Variants in DENND1B observed in about 807,000 individuals in gnomAD.
The protein encoded by DENND1B is DENN domain-containing protein 1B.
DENND1B carries 59 observed loss-of-function variants against 90.1 expected under a neutral mutation model. The ratio of observed to expected loss-of-function variants is 0.65; its 90% CI spans 0.53 to 0.81. The LOEUF is 0.81. Ranked by LOEUF, DENND1B falls within the 40% of genes least tolerant of loss-of-function variation. The pLI is 0.00. For missense variants in DENND1B, 862 were observed against 912.6 expected (o/e 0.94, Z 0.71); for synonymous variants, 337 against 324.6 (o/e 1.04, Z -0.41).
intron 2 of DENND1B, among the ~76,000 whole-genome samples, chr1:197,732,159 T>C (rs1259863970): frequency 6.6e-6 from 1 of 152,198 alleles, no homozygotes; most frequent in Non-Finnish European, 1.5e-5. Flanking sequence ...GTCTGGTCAC[T>C]TGTTTTGTAA....
intron 20 of DENND1B, among the ~76,000 whole-genome samples, chr1:197,537,538 C>T (rs899538593): frequency 6.6e-6 from 1 of 151,808 alleles, no homozygotes; most frequent in East Asian, 1.9e-4. Flanking sequence ...TAGAAAATTA[C>T]TAAGAGAATA....
At chr1:197,590,705 G>A (rs10922262) in intron 14 of DENND1B, among the ~76,000 whole-genome samples, 23,874 of 152,022 alleles carry the variant, frequency 0.16, 2,158 homozygotes, top group Non-Finnish European at 0.2. Context: ...TCTGTATAGG[G>A]ATATGCAAAT....
intron 2 of DENND1B, among the ~76,000 whole-genome samples, chr1:197,751,884 G>T (rs1653579392): frequency 6.8e-6 from 1 of 147,924 alleles, no homozygotes; most frequent in South Asian, 2.2e-4. Context: ...AGGAGGAGGA[G>T]GAGGGAGGAG....
chr1:197,698,143 T>C (rs1437478873), intron 3 of DENND1B, among the ~76,000 whole-genome samples: 1 of 152,126 alleles, frequency 6.6e-6, no homozygotes, highest in Non-Finnish European at 1.5e-5. Context: ...ATCACACTTA[T>C]TCTAAAATTG....
At chr1:197,760,318 G>A (rs1043094384) in intron 2 of DENND1B, among the ~76,000 whole-genome samples, 62 of 152,094 alleles carry the variant, frequency 4.1e-4, no homozygotes, top group African/African-American at 1.5e-3. Flanking sequence ...AAACAAAATG[G>A]TCATTGTTAA....
chr1:197,757,118 T>C (rs1190427711), intron 2 of DENND1B, among the ~76,000 whole-genome samples: 1 of 152,042 alleles, frequency 6.6e-6, no homozygotes, highest in East Asian at 1.9e-4. Context: ...AAAAATAACC[T>C]TCTATTTAAA....
chr1:197,626,887 A>C (rs1233432395), intron 10 of DENND1B, among the ~76,000 whole-genome samples: 1 of 152,186 alleles, frequency 6.6e-6, no homozygotes, highest in Non-Finnish European at 1.5e-5. Flanking sequence ...CCATCAAAGA[A>C]TACTACAAAC....
chr1:197,539,245 C>T (rs1381042699), intron 20 of DENND1B, among the ~76,000 whole-genome samples: 1 of 152,228 alleles, frequency 6.6e-6, no homozygotes, highest in Non-Finnish European at 1.5e-5. Flanking sequence ...ACTTTCTCAT[C>T]TGCAAACCTT....
intron 14 of DENND1B, among the ~76,000 whole-genome samples, chr1:197,590,451 C>CAA (rs111356782): frequency 1.3e-5 from 2 of 150,888 alleles, no homozygotes; most frequent in African/African-American, 4.9e-5. Flanking sequence ...GGCTAAAATC[C>CAA]AAAAAAAAGA....
At chr1:197,539,868 A>T (rs1439428806) in intron 20 of DENND1B, 96 bp downstream of exon 20, 1 of 1,033,192 alleles carries the variant, frequency 9.7e-7, no homozygotes, top group African/African-American at 1.6e-5. Context: ...TTCATATAAG[A>T]TAAAAAATTA....
At chr1:197,714,963 A>G (rs1002777360) in intron 3 of DENND1B, 68 bp downstream of exon 3, 1 of 1,136,882 alleles carries the variant, frequency 8.8e-7, no homozygotes, top group Admixed American at 1.8e-5. Flanking sequence ...TAGCAACAGC[A>G]GCAGTAATAG....
At position 197,508,042 on chromosome 1, in the gene DENND1B, T is replaced by C. The variant is rs1370216396; in HGVS notation, c.*2418A>G. 6.6e-6 allele frequency: 1 copy of C among 151,590 alleles called. No homozygotes were observed. Among genetic ancestry groups the C allele is most frequent in the Non-Finnish European group, 1.5e-5 (1 of 67,726 alleles). The allele number at this position is 151,590 out of a possible 1,614,324, so 9.4% of individuals were successfully genotyped here. A position where few individuals can be genotyped will look rare whatever the true frequency, so the allele number is the denominator to read the frequency against. ...ATATCCTCAAAGCAACACAGTATTA[T>C]AACCAAACACCTTGAAAGGTGGCTG... On this transcript the variant is annotated 3_prime_UTR_variant, in exon 23 of 23. Transcript: ENST00000620048.
Position 197,672,090 on chromosome 1 carries a change from T to C in DENND1B, c.243A>G (p.Arg81=), listed in dbSNP as rs1208382289. Reference sequence around the variant, plus strand: ...CTGACGTCAGTCTGCAGAATCCAAATCTCTGTTTACTTTCAATGTCTGTCA... The same window carrying C: ...CTGACGTCAGTCTGCAGAATCCAAACCTCTGTTTACTTTCAATGTCTGTCA... The part of the protein sequence containing the change: ...FVLTDIESKQ[R]FGFCRLTSGG... The change falls in exon 5 of 23, where the codon AGA becomes AGG. Residue 81 remains arginine (R), a synonymous_variant. Transcript: ENST00000620048. The C allele has an allele frequency of 6.8e-6, 11 of 1,612,794 alleles. No individual in the cohort carries two copies. Among genetic ancestry groups the C allele is most frequent in the Non-Finnish European group, 7.6e-6 (9 of 1,179,220 alleles).
chr1:197,670,443 C>CTCTGTGTGTGTGTGTGTGTGTGTG (rs759953644), intron 5 of DENND1B, among the ~76,000 whole-genome samples: 2 of 99,538 alleles, frequency 2.0e-5, no homozygotes, highest in African/African-American at 8.0e-5. Context: ...GGGGGGAAGA[C>CTCTGTGTGTGTGTGTGTGTGTGTG]TGTGTGTGTG....
At chr1:197,574,060 T>TA (rs1387740831) in intron 15 of DENND1B, among the ~76,000 whole-genome samples, 1 of 151,968 alleles carries the variant, frequency 6.6e-6, no homozygotes, top group Non-Finnish European at 1.5e-5. Context: ...CCCTCTCTCC[T>TA]ATTCAACATA....
intron 2 of DENND1B, among the ~76,000 whole-genome samples, chr1:197,737,813 A>G (rs1018075831): frequency 6.6e-6 from 1 of 152,166 alleles, no homozygotes; most frequent in Non-Finnish European, 1.5e-5. Context: ...AAGTAAAGCT[A>G]TGTCTTCCTG....
At chr1:197,753,744 T>TA (rs1260400026) in intron 2 of DENND1B, among the ~76,000 whole-genome samples, 1 of 152,108 alleles carries the variant, frequency 6.6e-6, no homozygotes, top group Non-Finnish European at 1.5e-5. Context: ...CTCACGCCTA[T>TA]AATCCCAACA....
chr1:197,707,385 TTATC>T (rs1252100365), intron 3 of DENND1B, among the ~76,000 whole-genome samples: 1 of 151,838 alleles, frequency 6.6e-6, no homozygotes, highest in Non-Finnish European at 1.5e-5. Flanking sequence ...TAACAAGAAT[TTATC>T]ACATATTTTC....
At chr1:197,518,780 G>T (rs927699997) in intron 20 of DENND1B, among the ~76,000 whole-genome samples, 1 of 151,850 alleles carries the variant, frequency 6.6e-6, no homozygotes, top group African/African-American at 2.4e-5. Context: ...AATCTAGTAA[G>T]AACAGTCTTC....
Sources: gnomAD v4.1 joint callset for allele counts (sites outside exome capture counted in the v4.1 genomes callset) on GRCh38, gnomAD v4.1.1 for gene constraint, MANE v1.5 for transcripts, NCBI Gene and HGNC (gene_info 2026-07-23, HGNC 2026-07-21) for gene names.